The following ASF1B variants were observed in gnomAD, a reference collection of about 807,000 sequenced individuals.
The protein encoded by ASF1B is histone chaperone ASF1B.
ASF1B carries 10 observed loss-of-function variants against 16.6 expected under a neutral mutation model. The ratio of observed to expected loss-of-function variants is 0.60; its 90% confidence interval spans 0.37 to 1.02. The LOEUF is 1.02. Ranked by LOEUF, ASF1B falls within the 50% of genes least tolerant of loss-of-function variation. ASF1B has a pLI of 0.01. For synonymous variants in ASF1B, 101 were observed against 106.2 expected, an observed-to-expected ratio of 0.95 and a Z score of 0.30; for missense variants, 240 against 266.0, an observed-to-expected ratio of 0.90 and a Z score of 0.68.
chr19:14,130,495 C>A (rs1248254643), intron 1 of ASF1B, among the ~76,000 whole-genome samples: 5 of 149,528 alleles, frequency 3.3e-5, no homozygotes, highest in Non-Finnish European at 7.4e-5. Flanking sequence ...ATAGTGACAC[C>A]CTATCTCTTT....
chr19:14,130,576 A>G (rs943666824), intron 1 of ASF1B, among the ~76,000 whole-genome samples: 2 of 151,970 alleles, frequency 1.3e-5, no homozygotes, highest in Non-Finnish European at 2.9e-5. Context: ...ATCTCTAAAT[A>G]TAATCTTTCT....
At chr19:14,128,353 C>A (rs1380215391) in intron 1 of ASF1B, among the ~76,000 whole-genome samples, 2 of 152,194 alleles carry the variant, frequency 1.3e-5, no homozygotes, top group African/African-American at 4.8e-5. Context: ...TTCTTTGATG[C>A]ACTGGCTGCC....
At chr19:14,132,127 A>G (rs1400999611) in intron 1 of ASF1B, among the ~76,000 whole-genome samples, 3 of 148,860 alleles carry the variant, frequency 2.0e-5, no homozygotes, top group Non-Finnish European at 4.4e-5. Context: ...TCCTGGGCTC[A>G]TGCAATCCTC....
chr19:14,126,003 G>A (rs572439761), intron 2 of ASF1B, 119 bp downstream of exon 2: 14 of 751,550 alleles, frequency 1.9e-5, no homozygotes, highest in African/African-American at 7.1e-5. Flanking sequence ...GTCTATAGGC[G>A]TGAGCCCGTG....
chr19:14,121,628 A>C lies in ASF1B; in HGVS notation c.306T>G (p.His102Gln). 6.2e-7 allele frequency: 1 copy of C among 1,613,966 alleles called. No homozygotes were observed. Among genetic ancestry groups the C allele is most frequent in the Middle Eastern group, 1.6e-4 (1 of 6,062 alleles). Residue 102 changes from histidine to glutamine, a missense_variant, in exon 3 of 4, where the codon CAT becomes CAG. His to Gln is a conservative substitution (Grantham distance 24). Transcript: ENST00000263382. ...VTVVLITCTY[H>Q]GQEFIRVGYY... The stretch of plus-strand genomic sequence containing the variant: ...AGCCCACTCGGATGAACTCCTGTCC[A>C]TGGTAGGTGCAGGTGATGAGGACCA...
At chr19:14,125,973 T>TCTCACTC in intron 2 of ASF1B, 149 bp downstream of exon 2, 1 of 589,708 alleles carries the variant, frequency 1.7e-6, no homozygotes, top group South Asian at 2.2e-5. Context: ...TCCTCTCACC[T>TCTCACTC]CAGTCCCTGG....
In ASF1B at chr19:14,121,571, C is replaced by G. The variant is rs746763062; in HGVS notation, c.363G>C (p.Glu121Asp). 2.5e-6 allele frequency: 4 copies of G among 1,614,062 alleles called. No homozygotes were observed. The South Asian group carries it at 4.4e-5, about 18-fold the overall frequency. The change falls in exon 3 of 4, where the codon GAG (glutamate) becomes GAC (aspartate). Residue 121 changes from glutamate to aspartate, a missense_variant. By Grantham distance (45) the Glu-to-Asp change is conservative. Transcript: ENST00000263382. ...YYVNNEYLNP[E>D]LRENPPMKPD... ...GCTTCATGGGCGGGTTCTCACGCAG[C>G]TCAGGGTTGAGGTACTCGTTGTTGA...
At chr19:14,127,978 CCTCCCCTGAATATG>C (rs1347637418) in intron 1 of ASF1B, among the ~76,000 whole-genome samples, 1 of 152,162 alleles carries the variant, frequency 6.6e-6, no homozygotes, top group African/African-American at 2.4e-5. Context: ...AGGAGGGCCC[CCTCCCCTGAATATG>C]CTCCATTGAG....
intron 2 of ASF1B, 50 bp downstream of exon 2, chr19:14,126,072 G>C: frequency 7.2e-7 from 1 of 1,388,708 alleles, no homozygotes; most frequent in South Asian, 1.3e-5. Flanking sequence ...AGGTAAAAGA[G>C]GATGTTTCTA....
At position 14,120,273 on chromosome 19, in the gene ASF1B, A is replaced by G; in HGVS notation, c.*186T>C. ...CCTGCTTCTTATAGGCCTGTAGAGG[A>G]AAAGCGAGATCATCCTTCTGGCCAG... On this transcript the variant is annotated 3_prime_UTR_variant, in exon 4 of 4. Transcript: ENST00000263382. The G allele has an allele frequency of 1.7e-6, 1 of 580,010 alleles. No individual in the cohort carries two copies. Among genetic ancestry groups the G allele is most frequent in the Non-Finnish European group, 3.0e-6 (1 of 333,022 alleles). 35.9% of individuals were successfully genotyped at this position (580,010 alleles called of 1,614,324 possible).
chr19:14,121,321 C>A, intron 3 of ASF1B: 1 of 407,018 alleles, frequency 2.5e-6, no homozygotes, highest in Non-Finnish European at 4.3e-6. Context: ...CAGGGTCTCA[C>A]TATGTTGCCC....
At position 14,120,653 on chromosome 19, in the gene ASF1B, T is replaced by C. The variant is rs1967221582; in HGVS notation, c.415A>G (p.Ile139Val). 6.2e-7 allele frequency: 1 copy of C among 1,614,014 alleles called. No individual in the cohort carries two copies. The highest frequency in any genetic ancestry group is 8.5e-7 in the Non-Finnish European group (1 of 1,179,976). Residue 139 changes from isoleucine to valine, a missense_variant, in exon 4 of 4, where the codon ATC (isoleucine) becomes GTC (valine). Physicochemically the swap from Ile to Val is conservative, Grantham distance 29. Coordinates refer to ENST00000263382, the MANE Select transcript of ASF1B (RefSeq NM_018154.3). ...GTCACCCGGGGGTTCGAGGCCAAGA[T>C]GTTCCGCTGGAGCTGGGGCAGGAAG... Reference protein sequence around the residue: ...KPDFSQLQRNILASNPRVTRF... With the variant: ...KPDFSQLQRNVLASNPRVTRF...
At chr19:14,125,985 G>A (rs1967311449) in intron 2 of ASF1B, 137 bp downstream of exon 2, 3 of 621,834 alleles carry the variant, frequency 4.8e-6, no homozygotes, top group Admixed American at 6.7e-5. Flanking sequence ...AGTCCCTGGA[G>A]TAGCTGGGTC....
intron 2 of ASF1B, among the ~76,000 whole-genome samples, chr19:14,124,804 T>C (rs1440566678): frequency 6.6e-6 from 1 of 152,154 alleles, no homozygotes; most frequent in Non-Finnish European, 1.5e-5. Flanking sequence ...GTTGGTGAGT[T>C]TGCTGTCTAT....
intron 3 of ASF1B, 67 bp from the exon 4 acceptor site, chr19:14,120,732 C>T: frequency 6.9e-7 from 1 of 1,440,502 alleles, no homozygotes; most frequent in South Asian, 1.2e-5. Context: ...AGAGCCAGGA[C>T]ACCCCCAATC....
intron 1 of ASF1B, among the ~76,000 whole-genome samples, chr19:14,127,617 T>C (rs1451415448): frequency 1.3e-5 from 2 of 151,532 alleles, no homozygotes; most frequent in African/African-American, 4.9e-5. Context: ...AGTCAACAAA[T>C]GTGGCATCCC....
intron 1 of ASF1B, among the ~76,000 whole-genome samples, chr19:14,129,475 G>C (rs1406426020): frequency 6.6e-6 from 1 of 151,824 alleles, no homozygotes; most frequent in East Asian, 1.9e-4. Flanking sequence ...TCACGAGTTC[G>C]AGACCAACCT....
chr19:14,121,413 G>C (rs1310881563), intron 3 of ASF1B, 119 bp downstream of exon 3: 15 of 1,143,006 alleles, frequency 1.3e-5, no homozygotes, highest in Non-Finnish European at 1.8e-5. Flanking sequence ...AGTACTGTAA[G>C]AACTGAATAT....
intron 1 of ASF1B, among the ~76,000 whole-genome samples, chr19:14,135,641 T>G (rs1216132299): frequency 6.6e-6 from 1 of 151,798 alleles, no homozygotes; most frequent in African/African-American, 2.4e-5. Flanking sequence ...GAAAAGGGGT[T>G]GAGGGGTTTT....
Sources: allele counts gnomAD v4.1 joint callset (sites outside exome capture counted in the v4.1 genomes callset), GRCh38; gene constraint gnomAD v4.1.1; transcripts MANE v1.5; gene names NCBI Gene and HGNC (gene_info 2026-07-23, HGNC 2026-07-21).